ZMAT3: variants seen among roughly 807,000 people sequenced by gnomAD.
ZMAT3 encodes the protein zinc finger matrin-type protein 3.
ZMAT3 carries 17 observed loss-of-function variants against 32.3 expected under a neutral mutation model. The ratio of observed to expected loss-of-function variants is 0.53; its 90% CI spans 0.36 to 0.79. The LOEUF (loss-of-function observed/expected upper bound fraction) is 0.79. ZMAT3 is among the 30% of genes least tolerant of loss of function. The pLI is 0.00. For synonymous variants in ZMAT3, 120 were observed against 133.1 expected (o/e 0.90, Z 0.68); for missense variants, 329 against 359.7 (o/e 0.91, Z 0.69).
At chr3:179,028,199 CA>C (rs1317760606) in intron 3 of ZMAT3, among the ~76,000 whole-genome samples, 1 of 152,192 alleles carries the variant, frequency 6.6e-6, no homozygotes, top group Non-Finnish European at 1.5e-5. Context: ...AACTCTTTAT[CA>C]GGGTTGCTGT....
chr3:179,060,275 A>C (rs1721085724), intron 2 of ZMAT3, among the ~76,000 whole-genome samples: 1 of 152,218 alleles, frequency 6.6e-6, no homozygotes, highest in Admixed American at 6.5e-5. Flanking sequence ...ATTATACTTC[A>C]ATAAAGCTAG....
At chr3:179,039,791 G>A (rs1228913334) in intron 2 of ZMAT3, among the ~76,000 whole-genome samples, 3 of 152,166 alleles carry the variant, frequency 2.0e-5, no homozygotes, top group African/African-American at 7.2e-5. Context: ...CAAGCTAAAG[G>A]AGCATGTTCG....
chr3:179,040,396 C>G (rs1719853129), intron 2 of ZMAT3, among the ~76,000 whole-genome samples: 1 of 152,170 alleles, frequency 6.6e-6, no homozygotes, highest in Admixed American at 6.5e-5. Context: ...GGCAGAAACC[C>G]TACAAGCCAG....
Position 179,067,485 on chromosome 3 carries a change from G to C in ZMAT3, c.268C>G (p.Gln90Glu), listed in dbSNP as rs770170004. The C allele has an allele frequency of 9.9e-6, 16 of 1,614,012 alleles. No individual in the cohort carries two copies. In the East Asian group the frequency reaches 3.3e-4, roughly 34 times the overall value. ...CTGGTTTTCTTTTCTCCCTTTACCT[G>C]ATAATGAGCCTGGGCTTGCTGTGCA... is the stretch of plus-strand genomic sequence containing the variant. The part of the protein sequence containing the change: ...NSAQQAQAHY[Q>E]GKNHGKKLRN... The change falls in exon 2 of 6, where the codon CAG (glutamine) becomes GAG (glutamate). Residue 90 changes from glutamine (Q) to glutamate (E), a missense_variant and splice_region_variant. By Grantham distance (29) the Gln-to-Glu change is conservative. Coordinates refer to ENST00000311417, the MANE Select transcript of ZMAT3 (RefSeq NM_022470.4).
intron 2 of ZMAT3, among the ~76,000 whole-genome samples, chr3:179,051,132 G>A (rs999040573): frequency 1.3e-5 from 2 of 152,154 alleles, no homozygotes; most frequent in Non-Finnish European, 2.9e-5. Context: ...GGAAGTCCTA[G>A]CCAGAGCAAT....
intron 2 of ZMAT3, among the ~76,000 whole-genome samples, chr3:179,031,299 A>G (rs140656727): frequency 1.3e-5 from 2 of 152,094 alleles, no homozygotes; most frequent in Non-Finnish European, 2.9e-5. Flanking sequence ...GGCTTCTACT[A>G]GAGGTCTTGA....
intron 5 of ZMAT3, among the ~76,000 whole-genome samples, 171 bp from the exon 6 acceptor site, chr3:179,025,399 T>C (rs890639590): frequency 2.6e-5 from 4 of 152,240 alleles, no homozygotes; most frequent in African/African-American, 9.6e-5. Context: ...TTTACACAGG[T>C]TCGATCTAAA....
At position 179,067,486 on chromosome 3, in the gene ZMAT3, A is replaced by C. The variant is rs1271829205; in HGVS notation, c.267T>G (p.Tyr89Ter). The change falls in exon 2 of 6, where the codon TAT becomes TAG. Residue 89 changes from tyrosine (Y) to a stop codon, truncating the protein, a stop_gained. Transcript: ENST00000311417. LOFTEE classifies it high-confidence loss of function. ...LNSAQQAQAHYQGKNHGKKLR... is the reference protein window; with the variant it reads ...LNSAQQAQAH ...TGGTTTTCTTTTCTCCCTTTACCTGATAATGAGCCTGGGCTTGCTGTGCAG... is the reference window on the plus strand; with the variant it reads ...TGGTTTTCTTTTCTCCCTTTACCTGCTAATGAGCCTGGGCTTGCTGTGCAG... 7.4e-6 allele frequency: 12 copies of C among 1,613,948 alleles called. No homozygotes were observed. The highest frequency in any genetic ancestry group is 1.3e-5 in the African/African-American group (1 of 74,924).
intron 2 of ZMAT3, among the ~76,000 whole-genome samples, chr3:179,059,878 C>T (rs927636397): frequency 1.3e-5 from 2 of 152,160 alleles, no homozygotes; most frequent in Non-Finnish European, 2.9e-5. Flanking sequence ...AATCCCTAAG[C>T]CTAGCTGGGA....
intron 2 of ZMAT3, among the ~76,000 whole-genome samples, chr3:179,041,261 C>T (rs1003625434): frequency 3.9e-5 from 6 of 152,170 alleles, no homozygotes; most frequent in Non-Finnish European, 7.4e-5. Flanking sequence ...CTCTCCACCC[C>T]AAATCAACAT....
rs934563603 is a variant in ZMAT3, at chr3:179,050,148, T to A, written c.270+17335A>T. 5.3e-5 allele frequency among the ~76,000 whole-genome samples: 8 copies of A among 150,854 alleles called. No homozygotes were observed. The East Asian group carries it at 1.6e-3, about 29-fold the overall frequency. On this transcript the variant is annotated intron_variant, in intron 2 of 5. Transcript: ENST00000311417. Reference sequence around the variant, plus strand: ...AGATCAGAACAGAACTAAATGAAATTGAAACAAAAAAAATACAAAAGATTA... The same window carrying A: ...AGATCAGAACAGAACTAAATGAAATAGAAACAAAAAAAATACAAAAGATTA...
chr3:179,041,981 C>T (rs1365540790), intron 2 of ZMAT3, among the ~76,000 whole-genome samples: 1 of 152,168 alleles, frequency 6.6e-6, no homozygotes, highest in East Asian at 1.9e-4. Context: ...ACTAGAAAAT[C>T]TAGAAGAAAT....
intron 2 of ZMAT3, among the ~76,000 whole-genome samples, chr3:179,039,188 C>T (rs889215245): frequency 6.6e-6 from 1 of 152,242 alleles, no homozygotes; most frequent in Non-Finnish European, 1.5e-5. Context: ...CCCTTTCTGA[C>T]AGCTCTGAAG....
chr3:179,049,314 T>G (rs35554043), intron 2 of ZMAT3, among the ~76,000 whole-genome samples: 5 of 152,286 alleles, frequency 3.3e-5, no homozygotes, highest in African/African-American at 4.8e-5. Context: ...TTACAATAAA[T>G]GCACTTCACA....
rs1288550170 is a variant in ZMAT3 at position 179,019,747 on chromosome 3, C to T, written c.*5270G>A. 2 of 152,010 alleles carry T rather than the reference C, an allele frequency of 1.3e-5. No individual in the cohort carries two copies. Among genetic ancestry groups the T allele is most frequent in the Admixed American group, 6.6e-5 (1 of 15,254 alleles). The allele number at this position is 152,010 out of a possible 1,614,324, so 9.4% of individuals were successfully genotyped here. A position where few individuals can be genotyped will look rare whatever the true frequency, so the allele number is the denominator to read the frequency against. Reference sequence around the variant, plus strand: ...TCAAACCTGATTTGTGAAGATGCTTCATTTAATATAGAAATGAACTAACAC... The same window carrying T: ...TCAAACCTGATTTGTGAAGATGCTTTATTTAATATAGAAATGAACTAACAC... On this transcript the variant is annotated 3_prime_UTR_variant, in exon 6 of 6. Transcript: ENST00000311417.
chr3:179,055,234 T>G (rs530962089), intron 2 of ZMAT3, among the ~76,000 whole-genome samples: 1 of 152,292 alleles, frequency 6.6e-6, no homozygotes, highest in South Asian at 2.1e-4. Context: ...ACGATTTATA[T>G]TCTTCTGCAG....
chr3:179,040,161 G>A (rs1365135833), intron 2 of ZMAT3, among the ~76,000 whole-genome samples: 1 of 152,152 alleles, frequency 6.6e-6, no homozygotes, highest in East Asian at 1.9e-4. Context: ...ACACTCTTCA[G>A]GATATTATCC....
In ZMAT3 at chr3:179,046,689, G is replaced by A. The variant is rs1317833899; in HGVS notation, c.271-15690C>T. Among the ~76,000 whole-genome samples the A allele has an allele frequency of 2.0e-5, 3 of 152,164 alleles. No homozygotes were observed. The highest frequency in any genetic ancestry group is 4.4e-5 in the Non-Finnish European group (3 of 68,034). On this transcript the variant is annotated intron_variant, in intron 2 of 5. Coordinates refer to ENST00000311417, the MANE Select transcript of ZMAT3 (RefSeq NM_022470.4). The surrounding 1 kb of genome is among the most constrained non-coding windows in gnomAD (Gnocchi z 4.3). ...ACAGTGGGAGGAAGACCAGCCTTTA[G>A]GGCTGGGGGATGCATGGGAGCTGGG...
chr3:179,021,381 TTTTC>T lies in ZMAT3; in HGVS notation c.*3632_*3635del, dbSNP rs1402731300. The stretch of plus-strand genomic sequence containing the variant: ...TCCAATCTTTTAGTTGAAACACGAA[TTTTC>T]TTTCTTTACAACTTCTTACCCTCAA... On this transcript the variant is annotated 3_prime_UTR_variant, in exon 6 of 6. Coordinates refer to ENST00000311417, the MANE Select transcript of ZMAT3 (RefSeq NM_022470.4). The T allele has an allele frequency of 6.6e-6, 1 of 152,174 alleles. No individual in the cohort carries two copies. Among genetic ancestry groups the T allele is most frequent in the East Asian group, 1.9e-4 (1 of 5,194 alleles). 9.4% of individuals were successfully genotyped at this position (152,174 alleles called of 1,614,324 possible).
Sources: gnomAD v4.1 joint callset for allele counts (sites outside exome capture counted in the v4.1 genomes callset) on GRCh38, gnomAD v4.1.1 for gene constraint, Gnocchi (gnomAD v3.1) non-coding constraint, MANE v1.5 for transcripts, NCBI Gene and HGNC (gene_info 2026-07-23, HGNC 2026-07-21) for gene names.